The following KDM3B variants were observed in gnomAD, a reference collection of about 807,000 sequenced individuals.
The protein encoded by KDM3B is lysine-specific demethylase 3B.
A neutral mutation model predicts 170.0 loss-of-function variants in KDM3B; 10 were observed. That is an observed-to-expected ratio of 0.06 (90% confidence interval 0.04 to 0.10). The LOEUF (loss-of-function observed/expected upper bound fraction) is 0.10. Among genes scored for constraint, KDM3B ranks in the 10% least tolerant of loss-of-function variants. The pLI is 1.00. For missense variants in KDM3B, 1,394 were observed against 2,195.2 expected (o/e 0.64, Z 7.29); for synonymous variants, 831 against 834.8 (o/e 1.00, Z 0.08).
At position 138,428,077 on chromosome 5, in the gene KDM3B, C is replaced by T; in HGVS notation, c.4744C>T (p.His1582Tyr). 6.2e-7 allele frequency: 1 copy of T among 1,613,678 alleles called. No individual in the cohort carries two copies. The highest frequency in any genetic ancestry group is 8.5e-7 in the Non-Finnish European group (1 of 1,179,822). The change falls in exon 20 of 24, where the codon CAT becomes TAT. Residue 1582 changes from histidine (H) to tyrosine (Y), a missense_variant. His to Tyr is a moderately conservative substitution (Grantham distance 83). Transcript: ENST00000314358. ...YVGIPIGEGA[H>Y]DEEVLKTIDE... Reference sequence around the variant, plus strand: ...TGGGATTCCCATCGGGGAGGGTGCTCATGATGAAGGTATGCTTTCTAGAAT... The same window carrying T: ...TGGGATTCCCATCGGGGAGGGTGCTTATGATGAAGGTATGCTTTCTAGAAT...
At position 138,429,972 on chromosome 5, in the gene KDM3B, C is replaced by A; in HGVS notation, c.4893+7C>A. The A allele has an allele frequency of 1.9e-6, 3 of 1,613,828 alleles. No homozygotes were observed. The highest frequency in any genetic ancestry group is 2.5e-6 in the Non-Finnish European group (3 of 1,179,880). On this transcript the variant is annotated splice_region_variant and intron_variant, in intron 21 of 23. Coordinates refer to ENST00000314358, the MANE Select transcript of KDM3B (RefSeq NM_016604.4). ...CCGGGAGCTGCTCCGAAAGGTACGC[C>A]CCTGGGTGGGCTGTGCTCCCAGCTC...
chr5:138,387,905 C>T (rs1008554376), intron 7 of KDM3B, among the ~76,000 whole-genome samples: 3 of 152,012 alleles, frequency 2.0e-5, no homozygotes, highest in Non-Finnish European at 4.4e-5. Flanking sequence ...CACGGTGAAA[C>T]CCCATCTCTA....
At chr5:138,387,625 G>T (rs762428145) in intron 7 of KDM3B, among the ~76,000 whole-genome samples, 1 of 152,168 alleles carries the variant, frequency 6.6e-6, no homozygotes, top group Admixed American at 6.5e-5. Flanking sequence ...GGGATAGGGA[G>T]GGAGAGGAAA....
intron 6 of KDM3B, 53 bp downstream of exon 6, chr5:138,381,643 C>T: frequency 9.0e-7 from 1 of 1,115,112 alleles, no homozygotes; most frequent in South Asian, 1.3e-5. Flanking sequence ...CATTATCTTG[C>T]TGTGTGTAGA....
chr5:138,418,975 C>G lies in KDM3B; in HGVS notation c.3458C>G (p.Ala1153Gly). 1 of 1,614,190 alleles carries G rather than the reference C, an allele frequency of 6.2e-7. No homozygotes were observed. The highest frequency in any genetic ancestry group is 1.1e-5 in the South Asian group (1 of 91,080). ...TAGCTTCCTAGCATAAACCCTAGTGCCTCTTCTGGAAACGAAACTACCTTC... is the reference window on the plus strand; with the variant it reads ...TAGCTTCCTAGCATAAACCCTAGTGGCTCTTCTGGAAACGAAACTACCTTC... ...MSQLPSINPS[A>G]SSGNETTFSG... is the part of the protein sequence containing the mutation. Residue 1153 changes from alanine (A) to glycine (G), a missense_variant, in exon 14 of 24, where the codon GCC (alanine) becomes GGC (glycine). Physicochemically the swap from Ala to Gly is moderately conservative, Grantham distance 60. This residue lies in a region of KDM3B where 87 missense variants were observed against 83.3 expected (regional missense o/e 1.04). Coordinates refer to ENST00000314358, the MANE Select transcript of KDM3B (RefSeq NM_016604.4).
chr5:138,356,526 C>T (rs1388917784), intron 1 of KDM3B, among the ~76,000 whole-genome samples: 1 of 151,474 alleles, frequency 6.6e-6, no homozygotes, highest in Non-Finnish European at 1.5e-5. Flanking sequence ...ATATCTTTTG[C>T]TCATTTGAGA....
intron 22 of KDM3B, among the ~76,000 whole-genome samples, chr5:138,431,219 A>ATG (rs1763524749): frequency 1.3e-5 from 2 of 152,044 alleles, no homozygotes; most frequent in Admixed American, 1.3e-4. Context: ...CGGCCTCCCA[A>ATG]AGTGCTGGGA....
At chr5:138,405,099 G>A (rs1762784219) in intron 11 of KDM3B, among the ~76,000 whole-genome samples, 1 of 147,746 alleles carries the variant, frequency 6.8e-6, no homozygotes, top group East Asian at 2.0e-4. Context: ...GCTGGAGTGC[G>A]GTGGTGCGAT....
intron 11 of KDM3B, among the ~76,000 whole-genome samples, chr5:138,412,304 C>T (rs1365381274): frequency 6.6e-6 from 1 of 151,536 alleles, no homozygotes; most frequent in Non-Finnish European, 1.5e-5. Context: ...CCACTGCACT[C>T]CAGCCTGGGC....
intron 3 of KDM3B, among the ~76,000 whole-genome samples, chr5:138,376,891 G>T (rs1247631895): frequency 6.6e-6 from 1 of 152,116 alleles, no homozygotes; most frequent in Admixed American, 6.5e-5. Context: ...CAGCGTCTGA[G>T]TTATAGTTTC....
chr5:138,367,905 C>G (rs986772138), intron 1 of KDM3B, among the ~76,000 whole-genome samples: 1 of 151,856 alleles, frequency 6.6e-6, no homozygotes, highest in African/African-American at 2.4e-5. Flanking sequence ...CCCAGCTACT[C>G]AGAAGGCTGA....
intron 5 of KDM3B, among the ~76,000 whole-genome samples, chr5:138,380,941 C>CT (rs768473171): frequency 1.3e-5 from 2 of 151,474 alleles, no homozygotes; most frequent in Non-Finnish European, 2.9e-5. Flanking sequence ...ATGGCACGAT[C>CT]TCGGCTCACT....
chr5:138,402,214 G>T (rs1762711217), intron 11 of KDM3B, among the ~76,000 whole-genome samples: 1 of 152,158 alleles, frequency 6.6e-6, no homozygotes, highest in Admixed American at 6.5e-5. Context: ...GTGAATCACT[G>T]TGCCCAGCCA....
At chr5:138,427,128 A>G in intron 18 of KDM3B, 61 bp from the exon 19 acceptor site, 2 of 1,606,570 alleles carry the variant, frequency 1.2e-6, no homozygotes, top group Non-Finnish European at 1.7e-6. Flanking sequence ...GAAAAGTGAA[A>G]TTTGTCTATT....
chr5:138,354,226 A>T (rs948744851), intron 1 of KDM3B, among the ~76,000 whole-genome samples: 1 of 151,788 alleles, frequency 6.6e-6, no homozygotes, highest in Admixed American at 6.6e-5. Context: ...ATTTGCTTTG[A>T]TTTTTCTTCA....
intron 11 of KDM3B, among the ~76,000 whole-genome samples, chr5:138,401,128 G>A (rs992581307): frequency 7.9e-5 from 12 of 151,766 alleles, no homozygotes; most frequent in South Asian, 6.2e-4. Flanking sequence ...AAAATTAGCC[G>A]GGCATGGTGG....
intron 23 of KDM3B, among the ~76,000 whole-genome samples, chr5:138,433,170 G>A (rs1266593977): frequency 1.3e-5 from 2 of 150,338 alleles, no homozygotes; most frequent in African/African-American, 4.9e-5. Context: ...GGAGTGCAGT[G>A]GCATGATCTC....
In KDM3B at chr5:138,379,650, A is replaced by G. The variant is rs139402769; in HGVS notation, c.647A>G (p.Tyr216Cys). ...YQPEGEEGWLYGVVSHQDSIT... is the reference protein window; with the variant it reads ...YQPEGEEGWLCGVVSHQDSIT... The stretch of plus-strand genomic sequence containing the variant: ...CCAGAGGGGGAAGAAGGGTGGCTCT[A>G]TGGTGTTGTGAGCCATCAGGACTCC... The change falls in exon 5 of 24, where the codon TAT (tyrosine) becomes TGT (cysteine). Residue 216 changes from tyrosine to cysteine, a missense_variant. Tyr to Cys is a radical substitution (Grantham distance 194). Coordinates refer to ENST00000314358, the MANE Select transcript of KDM3B (RefSeq NM_016604.4). 6.1e-5 allele frequency: 99 copies of G among 1,613,136 alleles called. No homozygotes were observed. The highest frequency in any genetic ancestry group is 2.3e-4 in the Admixed American group (14 of 59,972).
intron 13 of KDM3B, chr5:138,418,136 G>C (rs1561790346): frequency 7.2e-6 from 1 of 139,508 alleles, no homozygotes. Flanking sequence ...CTGGAGTGCA[G>C]TGGCATGATC....
Sources: allele counts gnomAD v4.1 joint callset (sites outside exome capture counted in the v4.1 genomes callset), GRCh38; gene constraint gnomAD v4.1.1; regional missense constraint gnomAD v4.1.1; transcripts MANE v1.5; gene names NCBI Gene and HGNC (gene_info 2026-07-23, HGNC 2026-07-21).